The following SHISA9 variants were observed in gnomAD, a reference collection of about 807,000 sequenced individuals.
The protein encoded by SHISA9 is protein shisa-9.
A neutral mutation model predicts 38.0 loss-of-function variants in SHISA9; 13 were observed. The observed-to-expected ratio is 0.34, with a 90% CI of 0.22 to 0.54. The LOEUF (loss-of-function observed/expected upper bound fraction) is 0.54, where lower values mean the gene tolerates loss of function less well. Among genes scored for constraint, SHISA9 ranks in the 20% least tolerant of loss-of-function variants. SHISA9 has a pLI of 0.91. For synonymous variants in SHISA9, 275 were observed against 242.0 expected (o/e 1.14, Z -1.27); for missense variants, 538 against 575.8 (o/e 0.93, Z 0.67).
intron 4 of SHISA9, among the ~76,000 whole-genome samples, chr16:13,221,269 C>T (rs1468325675): frequency 2.6e-5 from 4 of 152,122 alleles, no homozygotes; most frequent in African/African-American, 9.7e-5. Flanking sequence ...AGGTGAAGTG[C>T]AACTAATTCA....
chr16:13,389,909 A>C, the SHISA9 span, among the ~76,000 whole-genome samples: 3 of 152,184 alleles, frequency 2.0e-5, no homozygotes, highest in Non-Finnish European at 2.9e-5. Context: ...TGCTCTTGCA[A>C]GATCTAATCC....
intron 2 of SHISA9, among the ~76,000 whole-genome samples, chr16:13,059,344 G>T (rs1452942828): frequency 6.6e-6 from 1 of 152,020 alleles, no homozygotes; most frequent in Non-Finnish European, 1.5e-5. Flanking sequence ...AGCCAGGATG[G>T]TCTCAATCTC....
Position 13,203,466 on chromosome 16 carries a change from C to G in SHISA9, c.764C>G (p.Pro255Arg). 2 of 1,551,342 alleles carry G rather than the reference C, an allele frequency of 1.3e-6. No homozygotes were observed. The highest frequency in any genetic ancestry group is 1.7e-6 in the Non-Finnish European group (2 of 1,146,748). Reference protein sequence around the residue: ...LQQMGHPHSYPNLGQISNPYE... With the variant: ...LQQMGHPHSYRNLGQISNPYE... ...CAGATGGGCCATCCACATTCGTACC[C>G]GAACCTGGGCCAGATCTCCAACCCC... Residue 255 changes from proline to arginine, a missense_variant, in exon 3 of 5, where the codon CCG becomes CGG. Transcript: ENST00000558583.
chr16:12,908,748 A>T, intron 1 of SHISA9: 1 of 1,420,220 alleles, frequency 7.0e-7, no homozygotes, highest in East Asian at 2.6e-5. Context: ...AATGCTTTCT[A>T]TATCGGCCCC....
chr16:13,365,561 A>G, the SHISA9 span, among the ~76,000 whole-genome samples: 2 of 147,016 alleles, frequency 1.4e-5, no homozygotes, highest in African/African-American at 5.1e-5. Context: ...GGTTCAAGCT[A>G]TTCTCCTGCC....
the SHISA9 span, among the ~76,000 whole-genome samples, chr16:13,454,251 G>A: frequency 6.6e-6 from 1 of 152,130 alleles, no homozygotes; most frequent in African/African-American, 2.4e-5. Flanking sequence ...GGAACATGAA[G>A]GAGATACTAT....
the SHISA9 span, among the ~76,000 whole-genome samples, chr16:13,333,251 G>T: frequency 1.3e-5 from 2 of 152,204 alleles, no homozygotes; most frequent in African/African-American, 4.8e-5. Context: ...GACATGGGAG[G>T]ACCAGTTTGG....
chr16:13,302,167 G>A, the SHISA9 span, among the ~76,000 whole-genome samples: 23 of 152,182 alleles, frequency 1.5e-4, no homozygotes, highest in Non-Finnish European at 3.4e-4. Flanking sequence ...GTGGTTAAAG[G>A]GAAACTTGGA....
chr16:13,181,371 C>A (rs2050778318), intron 2 of SHISA9, among the ~76,000 whole-genome samples: 1 of 139,546 alleles, frequency 7.2e-6, no homozygotes, highest in Non-Finnish European at 1.5e-5. Flanking sequence ...AATGGGAAAT[C>A]AAGAGAAGTG....
intron 2 of SHISA9, among the ~76,000 whole-genome samples, chr16:13,169,272 T>A (rs532698508): frequency 1.1e-3 from 160 of 152,336 alleles, no homozygotes; most frequent in Non-Finnish European, 1.8e-3. Context: ...AGCAGTTGAT[T>A]AGTTCATTAC....
chr16:13,364,804 T>C, the SHISA9 span, among the ~76,000 whole-genome samples: 3 of 152,228 alleles, frequency 2.0e-5, no homozygotes, highest in Non-Finnish European at 4.4e-5. Context: ...TCAGCTAATT[T>C]CCTTGATTAG....
At position 13,235,073 on chromosome 16, in the gene SHISA9, G is replaced by T; in HGVS notation, c.939G>T (p.Leu313=). 6.4e-7 allele frequency: 1 copy of T among 1,551,428 alleles called. No individual in the cohort carries two copies. The highest frequency in any genetic ancestry group is 8.7e-7 in the Non-Finnish European group (1 of 1,146,940). Residue 313 remains leucine (L), a synonymous_variant, in exon 5 of 5, where the codon CTG becomes CTT. Coordinates refer to ENST00000558583, the MANE Select transcript of SHISA9 (RefSeq NM_001145204.3). The stretch of plus-strand genomic sequence containing the variant: ...ACTTCTACACCAAGCGACGGCACCT[G>T]GCTGAGCTGGCTGCCAAGGGGAACT... ...NDDFYTKRRH[L]AELAAKGNLP... is the part of the protein sequence containing the mutation.
the SHISA9 span, among the ~76,000 whole-genome samples, chr16:13,549,928 C>T: frequency 6.0e-5 from 9 of 151,010 alleles, no homozygotes; most frequent in African/African-American, 2.0e-4. Flanking sequence ...GAGGCTGAGG[C>T]AGGAGAATCG....
the SHISA9 span, among the ~76,000 whole-genome samples, chr16:13,373,635 G>C: frequency 2.0e-5 from 3 of 151,778 alleles, no homozygotes; most frequent in African/African-American, 7.3e-5. Context: ...GGTAGCGGGC[G>C]CCTGTAGTCC....
chr16:13,001,652 A>G (rs368172194), intron 2 of SHISA9, among the ~76,000 whole-genome samples: 77 of 152,350 alleles, frequency 5.1e-4, no homozygotes, highest in African/African-American at 1.8e-3. Flanking sequence ...ACTCATGTAT[A>G]TGCAATGTTT....
intron 2 of SHISA9, among the ~76,000 whole-genome samples, chr16:12,924,126 C>T (rs2071364862): frequency 6.6e-6 from 1 of 152,166 alleles, no homozygotes; most frequent in African/African-American, 2.4e-5. Context: ...TGGTCTGACC[C>T]TGCTTCCATC....
intron 2 of SHISA9, among the ~76,000 whole-genome samples, chr16:13,118,697 C>G (rs1308430005): frequency 6.7e-6 from 1 of 150,232 alleles, no homozygotes; most frequent in Non-Finnish European, 1.5e-5. Flanking sequence ...GTCTACGGCA[C>G]TTTTGCCCAT....
chr16:13,094,670 A>T (rs2073808467), intron 2 of SHISA9, among the ~76,000 whole-genome samples: 1 of 152,178 alleles, frequency 6.6e-6, no homozygotes, highest in African/African-American at 2.4e-5. Flanking sequence ...TATTTTCCCC[A>T]TTGAAGGACT....
the SHISA9 span, among the ~76,000 whole-genome samples, chr16:13,360,667 G>A: frequency 3.3e-5 from 5 of 152,158 alleles, no homozygotes; most frequent in African/African-American, 1.2e-4. Flanking sequence ...TTTATTAGCA[G>A]TGTGAGAACA....
Sources: allele counts gnomAD v4.1 joint callset (sites outside exome capture counted in the v4.1 genomes callset), GRCh38; gene constraint gnomAD v4.1.1; transcripts MANE v1.5; gene names NCBI Gene and HGNC (gene_info 2026-07-23, HGNC 2026-07-21).